MPDZ: variants seen among roughly 807,000 people sequenced by gnomAD.
MPDZ encodes multiple PDZ domain protein.
In MPDZ, 234 loss-of-function variants were observed where a neutral mutation model predicts 239.1. That is an observed-to-expected ratio of 0.98 (90% CI 0.88 to 1.09). The LOEUF (loss-of-function observed/expected upper bound fraction) is 1.09, where lower values mean the gene tolerates loss of function less well. Among genes scored for constraint, MPDZ ranks in the 50% least tolerant of loss-of-function variants. The probability of loss-of-function intolerance (pLI) is 0.00; values close to 1 mark genes in which losing one functional copy is unlikely to be tolerated. For synonymous variants in MPDZ, 1,048 were observed against 881.3 expected (o/e 1.19, Z -3.35); for missense variants, 3,175 against 2,510.0 (o/e 1.26, Z -5.66).
intron 3 of MPDZ, among the ~76,000 whole-genome samples, chr9:13,241,429 T>G (rs1588057035): frequency 6.6e-6 from 1 of 152,328 alleles, no homozygotes; most frequent in African/African-American, 2.4e-5. Flanking sequence ...ATTTCTTTCG[T>G]TCTGTCCTCC....
chr9:13,216,049 C>G (rs994192626), intron 10 of MPDZ, among the ~76,000 whole-genome samples: 11 of 139,092 alleles, frequency 7.9e-5, no homozygotes, highest in African/African-American at 3.0e-4. Context: ...TTCAATTTTT[C>G]TATGTGCACT....
intron 1 of MPDZ, among the ~76,000 whole-genome samples, chr9:13,271,134 T>C (rs929614148): frequency 6.6e-6 from 1 of 152,204 alleles, no homozygotes; most frequent in Admixed American, 6.5e-5. Flanking sequence ...TTAAATATTT[T>C]TAAATCTTTT....
intron 19 of MPDZ, among the ~76,000 whole-genome samples, chr9:13,176,629 A>C (rs1312719838): frequency 6.6e-6 from 1 of 152,188 alleles, no homozygotes; most frequent in Non-Finnish European, 1.5e-5. Flanking sequence ...ACATTTCCTG[A>C]AAGTCATACA....
At position 13,138,119 on chromosome 9, in the gene MPDZ, G is replaced by T. The variant is rs377489960; in HGVS notation, c.4038C>A (p.Gly1346=). Residue 1346 remains glycine, a synonymous_variant, in exon 29 of 47, where the codon GGC becomes GGA. Coordinates refer to ENST00000319217, the MANE Select transcript of MPDZ (RefSeq NM_001378778.1). The part of the protein sequence containing the change: ...NIRERYGTLT[G]ELHMIELEKG... Reference sequence around the variant, plus strand: ...TCTCCAGTTCAATCATATGCAGCTCGCCTGTTAGGGTTCCATAACGCTCTC... The same window carrying T: ...TCTCCAGTTCAATCATATGCAGCTCTCCTGTTAGGGTTCCATAACGCTCTC... The T allele has an allele frequency of 1.2e-6, 2 of 1,601,436 alleles. No homozygotes were observed. The highest frequency in any genetic ancestry group is 1.1e-5 in the South Asian group (1 of 88,502).
rs1945183442 is a variant in MPDZ, at chr9:13,126,749, A to G, written c.4488T>C (p.Ala1496=). The G allele has an allele frequency of 6.2e-7, 1 of 1,613,936 alleles. No homozygotes were observed. Among genetic ancestry groups the G allele is most frequent in the East Asian group, 2.2e-5 (1 of 44,862 alleles). Residue 1496 remains alanine (A), a synonymous_variant, in exon 33 of 47, where the codon GCT becomes GCC. Transcript: ENST00000319217. ...CACTGAGTGTATCTTCTTCGCTGAT[A>G]GCAATACCCAAACCCCCCTGATCCT... ...LPKDQGGLGI[A]ISEEDTLSGV...
rs1959529091 is a variant in MPDZ at position 13,223,640 on chromosome 9, A to C, written c.464T>G (p.Leu155Arg). ...SGGLGFSVVG[L>R]RSENRGELGI... ...CAGCTCTCCTCTGTTTTCACTTCTT[A>C]GTCCCACAACACTAAACCCAAGGCC... is the stretch of plus-strand genomic sequence containing the variant. The change falls in exon 5 of 47, where the codon CTA (leucine) becomes CGA (arginine). Residue 155 changes from leucine (L) to arginine (R), a missense_variant. Coordinates refer to ENST00000319217, the MANE Select transcript of MPDZ (RefSeq NM_001378778.1). 1 of 1,612,488 alleles carries C rather than the reference A, an allele frequency of 6.2e-7. No homozygotes were observed. The highest frequency in any genetic ancestry group is 8.5e-7 in the Non-Finnish European group (1 of 1,179,102).
intron 13 of MPDZ, 67 bp from the exon 14 acceptor site, chr9:13,193,380 T>C: frequency 7.0e-7 from 1 of 1,432,630 alleles, no homozygotes; most frequent in Non-Finnish European, 9.2e-7. Flanking sequence ...ATGCACACAT[T>C]TTATGTTTTA....
chr9:13,212,791 T>TAAAAAA (rs145889448), intron 10 of MPDZ, among the ~76,000 whole-genome samples: 12 of 110,554 alleles, frequency 1.1e-4, no homozygotes, highest in East Asian at 5.5e-4. Flanking sequence ...GGTCAAGGTT[T>TAAAAAA]AAAAAAAAAA....
intron 16 of MPDZ, among the ~76,000 whole-genome samples, 182 bp from the exon 17 acceptor site, chr9:13,189,175 T>C (rs1038277649): frequency 2.0e-5 from 3 of 152,094 alleles, no homozygotes; most frequent in Non-Finnish European, 4.4e-5. Context: ...TTTTAGAGGG[T>C]TTAGGAAGAA....
intron 3 of MPDZ, among the ~76,000 whole-genome samples, chr9:13,241,970 A>C (rs996971466): frequency 1.3e-5 from 2 of 152,118 alleles, no homozygotes; most frequent in Non-Finnish European, 2.9e-5. Flanking sequence ...CTACATTTCT[A>C]GGTTTTCTAG....
At chr9:13,243,624 C>CA (rs576625277) in intron 3 of MPDZ, among the ~76,000 whole-genome samples, 4 of 151,826 alleles carry the variant, frequency 2.6e-5, no homozygotes, top group Non-Finnish European at 4.4e-5. Context: ...GAAAAAATTT[C>CA]AAAAAAAGAT....
intron 39 of MPDZ, among the ~76,000 whole-genome samples, chr9:13,117,492 C>G (rs189831285): frequency 8.0e-4 from 121 of 151,092 alleles, no homozygotes; most frequent in African/African-American, 2.8e-3. Flanking sequence ...GATCACACCA[C>G]TGCACTCCAG....
At chr9:13,137,451 A>G (rs901675584) in intron 29 of MPDZ, among the ~76,000 whole-genome samples, 1 of 152,200 alleles carries the variant, frequency 6.6e-6, no homozygotes, top group Admixed American at 6.5e-5. Context: ...AGGACAAACA[A>G]CACAAGCAAA....
intron 43 of MPDZ, 76 bp from the exon 44 acceptor site, chr9:13,110,816 T>C: frequency 2.1e-6 from 2 of 953,014 alleles, no homozygotes; most frequent in Non-Finnish European, 3.2e-6. Flanking sequence ...AAGTATTCAT[T>C]TCCTTCTCCA....
At position 13,136,320 on chromosome 9, in the gene MPDZ, G is replaced by GTTTTTTTTTTTT. The variant is rs1444109820; in HGVS notation, c.4293-139_4293-138insAAAAAAAAAAAA. 145 of 194,602 alleles carry GTTTTTTTTTTTT rather than the reference G, an allele frequency of 7.5e-4. 14 individuals carry two copies. The highest frequency in any genetic ancestry group is 3.6e-3 in the African/African-American group (54 of 15,150). The allele number at this position is 194,602 out of a possible 1,614,324, so 12.1% of individuals were successfully genotyped here. On this transcript the variant is annotated intron_variant, in intron 30 of 46. Coordinates refer to ENST00000319217, the MANE Select transcript of MPDZ (RefSeq NM_001378778.1). ...CTGTGACACTTACAAATTTACAAAC[G>GTTTTTTTTTTTT]TTTTCTTTTTTTTTTTTTTTTTTTT...
chr9:13,261,312 A>G (rs906926053), intron 1 of MPDZ, among the ~76,000 whole-genome samples: 2 of 152,210 alleles, frequency 1.3e-5, no homozygotes, highest in Non-Finnish European at 2.9e-5. Flanking sequence ...TGGTCCCTAC[A>G]GATGCACAAT....
Position 13,123,266 on chromosome 9 carries a change from C to T in MPDZ, c.4840G>A (p.Ala1614Thr). The T allele has an allele frequency of 6.2e-7, 1 of 1,612,474 alleles. No homozygotes were observed. Among genetic ancestry groups the T allele is most frequent in the Non-Finnish European group, 8.5e-7 (1 of 1,179,348 alleles). ...ATGGGGCAGGTTGCAGGATCAGAAG[C>T]AAAAATTGCTGGTGTTGATGATCTG... ...TSRSSTPAIFASDPATCPIIP... is the reference protein window; with the variant it reads ...TSRSSTPAIFTSDPATCPIIP... Residue 1614 changes from alanine (A) to threonine (T), a missense_variant, in exon 36 of 47, where the codon GCT becomes ACT. Coordinates refer to ENST00000319217, the MANE Select transcript of MPDZ (RefSeq NM_001378778.1).
chr9:13,142,158 T>C (rs1264864141), intron 27 of MPDZ, among the ~76,000 whole-genome samples: 1 of 152,190 alleles, frequency 6.6e-6, no homozygotes, highest in Non-Finnish European at 1.5e-5. Flanking sequence ...AAACTTCTCA[T>C]AATTTTAACA....
chr9:13,279,687 C>CA lies in MPDZ; in HGVS notation c.-346dup, dbSNP rs1975254397. On this transcript the variant is annotated 5_prime_UTR_variant, in exon 1 of 47. Coordinates refer to ENST00000319217, the MANE Select transcript of MPDZ (RefSeq NM_001378778.1). ...CTGCCGCGGAGGCGGTGGCGGGGCCCAGGCTGCTGGGGCTGCCGTGACGCC... is the reference window on the plus strand; with the variant it reads ...CTGCCGCGGAGGCGGTGGCGGGGCCCAAGGCTGCTGGGGCTGCCGTGACGCC... 6.6e-6 allele frequency: 1 copy of CA among 150,618 alleles called. No individual in the cohort carries two copies. The highest frequency in any genetic ancestry group is 6.6e-5 in the Admixed American group (1 of 15,114). The allele number at this position is 150,618 out of a possible 1,614,324, so 9.3% of individuals were successfully genotyped here. A position where few individuals can be genotyped will look rare whatever the true frequency, so the allele number is the denominator to read the frequency against.
Sources: allele counts gnomAD v4.1 joint callset (sites outside exome capture counted in the v4.1 genomes callset), GRCh38; gene constraint gnomAD v4.1.1; transcripts MANE v1.5; gene names NCBI Gene and HGNC (gene_info 2026-07-23, HGNC 2026-07-21).